The following SKIC3 variants were observed in gnomAD, a reference collection of about 807,000 sequenced individuals.
SKIC3 encodes the protein superkiller complex protein 3.
chr5:95,468,024 T>C, the SKIC3 span: 9 of 1,610,736 alleles, frequency 5.6e-6, 1 homozygote, highest in South Asian at 8.8e-5. Context: ...GTCCAAAGCA[T>C]GCAAATTACC....
chr5:95,544,117 A>G, the SKIC3 span, among the ~76,000 whole-genome samples: 3 of 152,206 alleles, frequency 2.0e-5, no homozygotes, highest in Admixed American at 6.5e-5. Context: ...ATCTGTCCCT[A>G]ATATGCAGTA....
At chr5:95,512,661 T>C in the SKIC3 span, 4 of 1,611,108 alleles carry the variant, frequency 2.5e-6, no homozygotes, top group Middle Eastern at 1.7e-4. Context: ...ATAATAAATG[T>C]GTCAATAAAA....
chr5:95,509,933 C>T, the SKIC3 span, among the ~76,000 whole-genome samples: 1 of 151,982 alleles, frequency 6.6e-6, no homozygotes. Context: ...ACATTTTATG[C>T]CCAAAGGTAT....
At chr5:95,548,941 C>T in the SKIC3 span, among the ~76,000 whole-genome samples, 1 of 151,994 alleles carries the variant, frequency 6.6e-6, no homozygotes, top group Admixed American at 6.6e-5. Context: ...ACAAACAAGG[C>T]AGGACCAACC....
At chr5:95,515,156 C>T in the SKIC3 span, 1 of 443,900 alleles carries the variant, frequency 2.3e-6, no homozygotes, top group Non-Finnish European at 4.2e-6. Context: ...TGAACCCTAG[C>T]AAAAAAGGGT....
At chr5:95,511,089 A>C in the SKIC3 span, among the ~76,000 whole-genome samples, 1 of 152,180 alleles carries the variant, frequency 6.6e-6, no homozygotes, top group Non-Finnish European at 1.5e-5. Flanking sequence ...TAAAGTCACA[A>C]AAGAAAGAGT....
At chr5:95,506,917 A>G in the SKIC3 span, 1 of 1,612,634 alleles carries the variant, frequency 6.2e-7, no homozygotes, top group Non-Finnish European at 8.5e-7. Flanking sequence ...GAATTAATGG[A>G]GAAAAAATAC....
the SKIC3 span, among the ~76,000 whole-genome samples, chr5:95,513,899 T>A: frequency 6.6e-6 from 1 of 152,246 alleles, no homozygotes; most frequent in Admixed American, 6.5e-5. Context: ...TAAGATCTAC[T>A]GAGCTAGAGC....
chr5:95,481,383 C>T, the SKIC3 span, among the ~76,000 whole-genome samples: 1,726 of 152,222 alleles, frequency 0.011, 31 homozygotes, highest in African/African-American at 0.038. Flanking sequence ...ATGTGAGACA[C>T]GCCTTCCTCC....
At chr5:95,507,532 C>T in the SKIC3 span, among the ~76,000 whole-genome samples, 1 of 152,256 alleles carries the variant, frequency 6.6e-6, no homozygotes, top group Non-Finnish European at 1.5e-5. Flanking sequence ...CCTTCTCATG[C>T]TCAGTTCCCT....
the SKIC3 span, chr5:95,543,097 T>A: frequency 6.7e-7 from 1 of 1,485,540 alleles, no homozygotes; most frequent in Admixed American, 1.9e-5. Flanking sequence ...TAGGTTTAAA[T>A]GCTTAGTTTA....
the SKIC3 span, among the ~76,000 whole-genome samples, chr5:95,534,466 A>G: frequency 6.6e-6 from 1 of 151,960 alleles, no homozygotes; most frequent in Non-Finnish European, 1.5e-5. Context: ...TCCTTTGTAT[A>G]CCTGCTTTTT....
At chr5:95,486,126 C>A in the SKIC3 span, among the ~76,000 whole-genome samples, 10 of 152,148 alleles carry the variant, frequency 6.6e-5, 1 homozygote, top group Admixed American at 5.2e-4. Context: ...GTCCCACAAA[C>A]CCCTGAGTCC....
At chr5:95,527,960 C>A in the SKIC3 span, 2 of 1,606,048 alleles carry the variant, frequency 1.2e-6, no homozygotes, top group Non-Finnish European at 1.7e-6. Flanking sequence ...ATGGTTGTTG[C>A]CTGGTTGATT....
the SKIC3 span, among the ~76,000 whole-genome samples, chr5:95,504,626 C>T: frequency 6.7e-6 from 1 of 149,606 alleles, no homozygotes; most frequent in Non-Finnish European, 1.5e-5. Flanking sequence ...AACTGTTTAT[C>T]TGCACATTTT....
the SKIC3 span, chr5:95,467,795 C>G: frequency 8.8e-6 from 14 of 1,592,306 alleles, no homozygotes; most frequent in African/African-American, 1.3e-4. Context: ...CTCTAAAACC[C>G]TTAGATCAAA....
the SKIC3 span, among the ~76,000 whole-genome samples, chr5:95,528,326 A>G: frequency 6.6e-6 from 1 of 152,236 alleles, no homozygotes; most frequent in African/African-American, 2.4e-5. Flanking sequence ...TTCCTTATGG[A>G]AAGACCTGAA....
chr5:95,498,932 A>G, the SKIC3 span, among the ~76,000 whole-genome samples: 1 of 152,134 alleles, frequency 6.6e-6, no homozygotes, highest in African/African-American at 2.4e-5. Flanking sequence ...GCCTATGACT[A>G]GAGTAGTCTT....
chr5:95,477,141 C>A, the SKIC3 span, among the ~76,000 whole-genome samples: 1 of 152,118 alleles, frequency 6.6e-6, no homozygotes, highest in South Asian at 2.1e-4. Flanking sequence ...GTCATAAAGA[C>A]CTTTGTTATA....
Sources: gnomAD v4.1 joint callset for allele counts (sites outside exome capture counted in the v4.1 genomes callset) on GRCh38, gnomAD v4.1.1 for gene constraint, MANE v1.5 for transcripts, NCBI Gene and HGNC (gene_info 2026-07-23, HGNC 2026-07-21) for gene names.